Variants in ARHGAP10 observed in about 807,000 individuals in gnomAD.
ARHGAP10 encodes the protein Rho GTPase activating protein 10.
Under a neutral mutation model 108.6 loss-of-function variants are expected in ARHGAP10, and 87 were observed. That is an observed-to-expected ratio of 0.80 (90% CI 0.67 to 0.96). The LOEUF (loss-of-function observed/expected upper bound fraction) is 0.96, where lower values mean the gene tolerates loss of function less well. Among genes scored for constraint, ARHGAP10 ranks in the 40% least tolerant of loss-of-function variants. The pLI, the probability that ARHGAP10 is intolerant of heterozygous loss-of-function variation, is 0.00. For missense variants in ARHGAP10, 939 were observed against 954.5 expected (o/e 0.98, Z 0.21); for synonymous variants, 347 against 341.1 (o/e 1.02, Z -0.19).
intron 18 of ARHGAP10, among the ~76,000 whole-genome samples, chr4:148,002,889 A>T (rs1740785278): frequency 6.6e-6 from 1 of 151,922 alleles, no homozygotes; most frequent in Non-Finnish European, 1.5e-5. Flanking sequence ...GATTTTTTTG[A>T]AGGGTTTTTT....
intron 11 of ARHGAP10, among the ~76,000 whole-genome samples, chr4:147,908,199 AT>A (rs1158158417): frequency 6.6e-6 from 1 of 152,152 alleles, no homozygotes; most frequent in African/African-American, 2.4e-5. Context: ...AATCAAGAGT[AT>A]TTACAGTGTT....
intron 11 of ARHGAP10, 146 bp from the exon 12 acceptor site, chr4:147,909,586 A>G (rs1004146730): frequency 6.1e-6 from 4 of 658,812 alleles, no homozygotes; most frequent in Non-Finnish European, 1.0e-5. Context: ...GGAAGTGGGG[A>G]TGCAGACCAA....
At chr4:147,847,243 C>T in intron 4 of ARHGAP10, 21 bp downstream of exon 4, 6 of 1,588,520 alleles carry the variant, frequency 3.8e-6, no homozygotes, top group Non-Finnish European at 4.3e-6. Flanking sequence ...AATTTGAATA[C>T]ACTCAGAAAA....
At chr4:147,944,814 A>G (rs1259921057) in intron 14 of ARHGAP10, among the ~76,000 whole-genome samples, 1 of 152,120 alleles carries the variant, frequency 6.6e-6, no homozygotes, top group African/African-American at 2.4e-5. Flanking sequence ...GCAAATTGAT[A>G]TTGATGGCTC....
chr4:148,056,180 T>G (rs1729357302), intron 20 of ARHGAP10, among the ~76,000 whole-genome samples: 1 of 152,360 alleles, frequency 6.6e-6, no homozygotes, highest in East Asian at 1.9e-4. Context: ...GATCTTGAGC[T>G]AATCAGTAAT....
intron 19 of ARHGAP10, among the ~76,000 whole-genome samples, chr4:148,030,262 A>G (rs1728086989): frequency 6.6e-6 from 1 of 152,130 alleles, no homozygotes; most frequent in South Asian, 2.1e-4. Flanking sequence ...TTTTTTCTCC[A>G]CTTCTAATAG....
At position 147,834,762 on chromosome 4, in the gene ARHGAP10, CCATACACA is replaced by C. The variant is rs1199107184; in HGVS notation, c.312+11807_312+11814del. ...CACCCACCTGCCCCCACCCTCACACCCATACACACCCACCCATCCGGCTTGCTTTCCTT... is the reference window on the plus strand; with the variant it reads ...CACCCACCTGCCCCCACCCTCACACCCCCACCCATCCGGCTTGCTTTCCTT... On this transcript the variant is annotated intron_variant, in intron 3 of 22. Transcript: ENST00000336498. Among the ~76,000 whole-genome samples the C allele has an allele frequency of 2.7e-5, 4 of 148,504 alleles. No homozygotes were observed. The East Asian group carries it at 8.1e-4, about 30-fold the overall frequency.
intron 1 of ARHGAP10, among the ~76,000 whole-genome samples, chr4:147,735,002 T>C (rs556214811): frequency 6.6e-6 from 1 of 152,338 alleles, no homozygotes; most frequent in East Asian, 1.9e-4. Context: ...CCTGTTTGCA[T>C]TACATTCTTG....
chr4:148,022,704 G>A (rs756637039), intron 18 of ARHGAP10, among the ~76,000 whole-genome samples: 1 of 152,214 alleles, frequency 6.6e-6, no homozygotes, highest in Non-Finnish European at 1.5e-5. Context: ...AAATAAAAGA[G>A]GGGTTAGAGG....
At chr4:147,912,664 T>G (rs1736805547) in intron 12 of ARHGAP10, among the ~76,000 whole-genome samples, 1 of 129,796 alleles carries the variant, frequency 7.7e-6, no homozygotes, top group Non-Finnish European at 1.6e-5. Flanking sequence ...TTTTTTTTTT[T>G]TTTTTTGGGG....
chr4:147,866,628 G>A (rs936657038), intron 6 of ARHGAP10, 84 bp from the exon 7 acceptor site: 21 of 931,184 alleles, frequency 2.3e-5, no homozygotes, highest in Admixed American at 4.4e-5. Flanking sequence ...GTGAGATGGC[G>A]GGGGGAACAC....
At chr4:147,746,928 T>C (rs956525547) in intron 1 of ARHGAP10, among the ~76,000 whole-genome samples, 13 of 152,308 alleles carry the variant, frequency 8.5e-5, no homozygotes, top group African/African-American at 3.1e-4. Flanking sequence ...TTTTTCTGGT[T>C]GATATTAATA....
intron 1 of ARHGAP10, among the ~76,000 whole-genome samples, chr4:147,767,983 C>T (rs1729902799): frequency 6.6e-6 from 1 of 152,198 alleles, no homozygotes; most frequent in African/African-American, 2.4e-5. Context: ...GAGTACCTTT[C>T]CCTGCACCCA....
At chr4:147,963,007 C>T (rs545217137) in intron 16 of ARHGAP10, among the ~76,000 whole-genome samples, 1 of 152,162 alleles carries the variant, frequency 6.6e-6, no homozygotes, top group African/African-American at 2.4e-5. Context: ...TAACTTTTTC[C>T]TCCTAATTAG....
chr4:148,009,455 G>A (rs2149652793), intron 18 of ARHGAP10, among the ~76,000 whole-genome samples: 2 of 152,278 alleles, frequency 1.3e-5, no homozygotes, highest in South Asian at 4.1e-4. Context: ...ATTTATAAGA[G>A]TATAAAGTCT....
At chr4:147,822,983 TAA>T (rs1732568212) in intron 3 of ARHGAP10, 26 bp downstream of exon 3, 1 of 1,595,618 alleles carries the variant, frequency 6.3e-7, no homozygotes, top group Non-Finnish European at 8.6e-7. Context: ...TGTAAATTAA[TAA>T]GTCAGCTTTC....
chr4:147,774,181 C>G (rs1275561759), intron 1 of ARHGAP10, among the ~76,000 whole-genome samples: 1 of 152,208 alleles, frequency 6.6e-6, no homozygotes, highest in East Asian at 1.9e-4. Flanking sequence ...AATGTTGACT[C>G]TTATTATCTT....
At chr4:147,962,339 A>G (rs1372820053) in intron 16 of ARHGAP10, among the ~76,000 whole-genome samples, 1 of 152,246 alleles carries the variant, frequency 6.6e-6, no homozygotes, top group Non-Finnish European at 1.5e-5. Context: ...CAACAACAGT[A>G]CTAATGGCTA....
intron 1 of ARHGAP10, among the ~76,000 whole-genome samples, chr4:147,734,694 CCT>C (rs1728352923): frequency 6.6e-6 from 1 of 152,132 alleles, no homozygotes; most frequent in Non-Finnish European, 1.5e-5. Context: ...TCCAACTTCC[CCT>C]GTCTACCTCT....
Sources: allele counts gnomAD v4.1 joint callset (sites outside exome capture counted in the v4.1 genomes callset), GRCh38; gene constraint gnomAD v4.1.1; transcripts MANE v1.5; gene names NCBI Gene and HGNC (gene_info 2026-07-23, HGNC 2026-07-21).